MRPS28: variants seen among roughly 807,000 people sequenced by gnomAD.
MRPS28 encodes the protein small ribosomal subunit protein bS1m.
A neutral mutation model predicts 10.8 loss-of-function variants in MRPS28; 7 were observed. The observed-to-expected ratio is 0.65, with a 90% CI of 0.37 to 1.22. The LOEUF is 1.22. Among genes scored for constraint, MRPS28 ranks in the 50% most tolerant of loss-of-function variants. The pLI, the probability that MRPS28 is intolerant of heterozygous loss-of-function variation, is 0.02. For missense variants in MRPS28, 265 were observed against 232.9 expected, an observed-to-expected ratio of 1.14 and a Z score of -0.90; for synonymous variants, 121 against 93.3, an observed-to-expected ratio of 1.30 and a Z score of -1.71.
At chr8:79,952,661 G>A (rs1033963725) in intron 2 of MRPS28, among the ~76,000 whole-genome samples, 15 of 152,118 alleles carry the variant, frequency 9.9e-5, no homozygotes, top group Admixed American at 9.8e-4. Context: ...ACAGGAAAGA[G>A]TCCCACGCCA....
chr8:79,947,369 A>G (rs1806945682), intron 2 of MRPS28, among the ~76,000 whole-genome samples: 1 of 152,118 alleles, frequency 6.6e-6, no homozygotes, highest in Non-Finnish European at 1.5e-5. Context: ...AAAAAACAAT[A>G]TTGTTTTGGA....
At chr8:79,949,139 G>T (rs774106352) in intron 2 of MRPS28, among the ~76,000 whole-genome samples, 1 of 152,054 alleles carries the variant, frequency 6.6e-6, no homozygotes, top group African/African-American at 2.4e-5. Flanking sequence ...TCTGCGGCTC[G>T]GTGCCGTGGC....
At chr8:79,944,451 T>C in intron 2 of MRPS28, among the ~76,000 whole-genome samples, 1 of 152,206 alleles carries the variant, frequency 6.6e-6, no homozygotes, top group East Asian at 1.9e-4. Context: ...TACATTTCTA[T>C]ATGCTACGTT....
intron 1 of MRPS28, among the ~76,000 whole-genome samples, chr8:80,014,825 C>A (rs950010750): frequency 6.6e-6 from 1 of 152,150 alleles, no homozygotes; most frequent in Non-Finnish European, 1.5e-5. Context: ...CTGCCACCCC[C>A]ACTCCAGGGG....
intron 2 of MRPS28, among the ~76,000 whole-genome samples, chr8:79,995,700 G>A (rs1808483966): frequency 6.6e-6 from 1 of 152,214 alleles, no homozygotes; most frequent in African/African-American, 2.4e-5. Flanking sequence ...ACAGCCCAGT[G>A]AGACCTAAAC....
At chr8:79,989,517 T>A (rs1323856171) in intron 2 of MRPS28, among the ~76,000 whole-genome samples, 1 of 152,170 alleles carries the variant, frequency 6.6e-6, no homozygotes, top group Non-Finnish European at 1.5e-5. Flanking sequence ...AAGAATAATA[T>A]ACTTGGCAAA....
chr8:79,977,151 C>T (rs554617174), intron 2 of MRPS28, among the ~76,000 whole-genome samples: 60 of 152,202 alleles, frequency 3.9e-4, no homozygotes, highest in African/African-American at 1.4e-3. Flanking sequence ...ATGATTAAAA[C>T]CATATTATGT....
chr8:79,977,808 C>T (rs973121554), intron 2 of MRPS28, among the ~76,000 whole-genome samples: 1 of 150,398 alleles, frequency 6.6e-6, no homozygotes, highest in African/African-American at 2.5e-5. Context: ...CAGAGTGAGA[C>T]TGTCTCAAAT....
intron 1 of MRPS28, among the ~76,000 whole-genome samples, chr8:80,027,757 C>G (rs1359997423): frequency 2.0e-5 from 3 of 152,198 alleles, no homozygotes; most frequent in Non-Finnish European, 4.4e-5. Context: ...ATCCTCCTCC[C>G]CAGGGAATTT....
chr8:79,950,559 C>T (rs1216576518), intron 2 of MRPS28, among the ~76,000 whole-genome samples: 1 of 151,818 alleles, frequency 6.6e-6, no homozygotes, highest in Non-Finnish European at 1.5e-5. Flanking sequence ...CACACATATA[C>T]ACACACACAC....
intron 2 of MRPS28, among the ~76,000 whole-genome samples, chr8:79,923,481 TTCAAATAAATTA>T (rs1169160047): frequency 6.6e-6 from 1 of 152,170 alleles, no homozygotes; most frequent in African/African-American, 2.4e-5. Flanking sequence ...AATGGCTACT[TTCAAATAAATTA>T]TCATTAAAAA....
intron 1 of MRPS28, among the ~76,000 whole-genome samples, chr8:80,022,498 G>C (rs1034234637): frequency 1.3e-5 from 2 of 152,102 alleles, no homozygotes; most frequent in African/African-American, 4.8e-5. Flanking sequence ...ATCTCAATTT[G>C]GGTAGCTGGC....
Position 80,030,060 on chromosome 8 carries a change from T to C in MRPS28, c.189A>G (p.Leu63=), listed in dbSNP as rs773380816. ...CCTTCTGTAGGGGCTCCACCTTCTG[T>C]AGAAGCTCCGAGTGCCGCTCCAACG... is the stretch of plus-strand genomic sequence containing the variant. ...ASALERHSEL[L]QKVEPLQKGS... Residue 63 remains leucine (L), a synonymous_variant, in exon 1 of 3, where the codon CTA becomes CTG. Coordinates refer to ENST00000276585, the MANE Select transcript of MRPS28 (RefSeq NM_014018.3). 24 of 1,613,438 alleles carry C rather than the reference T, an allele frequency of 1.5e-5. No individual in the cohort carries two copies. In the South Asian group the frequency reaches 2.0e-4, roughly 13 times the overall value.
intron 2 of MRPS28, among the ~76,000 whole-genome samples, chr8:79,973,850 A>AAAAG (rs1554571873): frequency 4.6e-5 from 7 of 151,750 alleles, no homozygotes; most frequent in East Asian, 3.9e-4. Context: ...AAAAAAAAAA[A>AAAAG]AAAGAAAGAA....
At chr8:79,919,184 G>A in intron 2 of MRPS28, 36 bp from the exon 3 acceptor site, 1 of 1,489,190 alleles carries the variant, frequency 6.7e-7, no homozygotes, top group South Asian at 1.4e-5. Flanking sequence ...CATTAATTCT[G>A]AATATCATAA....
intron 2 of MRPS28, among the ~76,000 whole-genome samples, chr8:79,948,177 C>T (rs750468160): frequency 4.6e-5 from 7 of 151,642 alleles, no homozygotes; most frequent in African/African-American, 1.5e-4. Context: ...TTAGTAGAGA[C>T]GGGGTTTCGC....
At chr8:79,938,538 C>T (rs1424396717) in intron 2 of MRPS28, among the ~76,000 whole-genome samples, 2 of 151,526 alleles carry the variant, frequency 1.3e-5, no homozygotes, top group Non-Finnish European at 2.9e-5. Flanking sequence ...AATTGAGATA[C>T]CTTATGGTTG....
intron 2 of MRPS28, among the ~76,000 whole-genome samples, chr8:79,939,242 T>C (rs1806692042): frequency 6.6e-6 from 1 of 152,250 alleles, no homozygotes. Flanking sequence ...GACAAAGTCA[T>C]TGCTTGCCAA....
chr8:80,012,237 A>T (rs916362799), intron 1 of MRPS28, among the ~76,000 whole-genome samples: 20 of 152,284 alleles, frequency 1.3e-4, no homozygotes, highest in Middle Eastern at 3.4e-3. Context: ...TTGCTTTTAA[A>T]TTGTAGCTTA....
Sources: allele counts gnomAD v4.1 joint callset (sites outside exome capture counted in the v4.1 genomes callset), GRCh38; gene constraint gnomAD v4.1.1; transcripts MANE v1.5; gene names NCBI Gene and HGNC (gene_info 2026-07-23, HGNC 2026-07-21).